RBFOX1: variants seen among roughly 807,000 people sequenced by gnomAD.
The protein encoded by RBFOX1 is RNA binding fox-1 homolog 1.
In RBFOX1, 8 loss-of-function variants were observed where a neutral mutation model predicts 57.7. The ratio of observed to expected loss-of-function variants is 0.14; its 90% CI spans 0.08 to 0.25. The LOEUF is 0.25. Among genes scored for constraint, RBFOX1 ranks in the 10% least tolerant of loss-of-function variants. RBFOX1 has a pLI of 1.00. For synonymous variants in RBFOX1, 326 were observed against 222.4 expected (o/e 1.47, Z -4.15); for missense variants, 611 against 548.5 (o/e 1.11, Z -1.14).
rs146201089 is a variant in RBFOX1 at position 5,756,295 on chromosome 16, G to A, written c.319-111008G>A. Among the ~76,000 whole-genome samples the A allele has an allele frequency of 4.3e-3, 643 of 151,274 alleles. 7 individuals are homozygous for A. Among genetic ancestry groups the A allele is most frequent in the African/African-American group, 0.015 (605 of 41,120 alleles). ...GTATGGACATATGAAATGCCGTGGG[G>A]TTGTAGTGTGGTGTGATAATTAATA... On this transcript the variant is annotated intron_variant, in intron 3 of 19. Transcript: ENST00000641259.
At chr16:7,045,621 C>G (rs150325805) in intron 3 of RBFOX1, among the ~76,000 whole-genome samples, 11 of 151,972 alleles carry the variant, frequency 7.2e-5, no homozygotes, top group African/African-American at 2.7e-4. Flanking sequence ...TATTTGAAGG[C>G]AGATGTTAAA....
At chr16:6,766,176 T>C (rs1009353092) in intron 3 of RBFOX1, among the ~76,000 whole-genome samples, 4 of 151,974 alleles carry the variant, frequency 2.6e-5, no homozygotes, top group East Asian at 1.9e-4. Flanking sequence ...ATTTTAGATA[T>C]GGAGAAAAAA....
rs186366123 is a variant in RBFOX1 at position 5,289,512 on chromosome 16, A to G, written c.219+49407A>G. 7.9e-4 allele frequency: 150 copies of G among 191,076 alleles called. No homozygotes were observed. The East Asian group carries it at 0.01, about 13-fold the overall frequency. 11.8% of individuals were successfully genotyped at this position (191,076 alleles called of 1,614,324 possible). On this transcript the variant is annotated intron_variant, in intron 1 of 2. Coordinates refer to the RBFOX1 transcript ENST00000585867. ...ATGTTAAAATATTTTATACATGTAGACCTGGTATTTTGGATAGATTTGTCT... is the reference window on the plus strand; with the variant it reads ...ATGTTAAAATATTTTATACATGTAGGCCTGGTATTTTGGATAGATTTGTCT...
chr16:6,642,193 G>T (rs969205435), intron 2 of RBFOX1, among the ~76,000 whole-genome samples: 2 of 152,162 alleles, frequency 1.3e-5, no homozygotes, highest in African/African-American at 4.8e-5. Flanking sequence ...TTTCTCTTCG[G>T]TGCTGTATTT....
intron 1 of RBFOX1, among the ~76,000 whole-genome samples, chr16:5,376,842 G>T (rs1188830864): frequency 6.7e-6 from 1 of 150,346 alleles, no homozygotes; most frequent in Non-Finnish European, 1.5e-5. Context: ...CAGTGATGTT[G>T]CCCCATGGCA....
At chr16:7,518,120 C>G (rs1478721594) in intron 4 of RBFOX1, 27 bp from the exon 5 acceptor site, 1 of 1,594,074 alleles carries the variant, frequency 6.3e-7, no homozygotes, top group East Asian at 2.2e-5. Context: ...ACGTTCTCTC[C>G]CTCTCTGCAC....
intron 3 of RBFOX1, among the ~76,000 whole-genome samples, chr16:5,612,154 C>G (rs1048308882): frequency 1.3e-5 from 2 of 151,614 alleles, no homozygotes; most frequent in African/African-American, 2.4e-5. Flanking sequence ...CATACGTCTA[C>G]TCTCCCACCT....
At chr16:7,646,654 A>T (rs747278084) in intron 11 of RBFOX1, among the ~76,000 whole-genome samples, 1 of 152,230 alleles carries the variant, frequency 6.6e-6, no homozygotes, top group Non-Finnish European at 1.5e-5. Flanking sequence ...ATTGCCCATT[A>T]AAGCGGTTGT....
intron 4 of RBFOX1, among the ~76,000 whole-genome samples, chr16:7,128,687 G>C (rs552641758): frequency 8.5e-5 from 13 of 152,130 alleles, no homozygotes; most frequent in Non-Finnish European, 1.8e-4. Flanking sequence ...GGATTCAGAG[G>C]GTGGGGAACT....
chr16:7,280,646 G>T (rs1287372429), intron 4 of RBFOX1, among the ~76,000 whole-genome samples: 1 of 152,204 alleles, frequency 6.6e-6, no homozygotes, highest in African/African-American at 2.4e-5. Flanking sequence ...GGCTGGGGCA[G>T]TCAACTGGCA....
chr16:6,960,147 T>C (rs1390358769), intron 3 of RBFOX1, among the ~76,000 whole-genome samples: 1 of 152,078 alleles, frequency 6.6e-6, no homozygotes, highest in Non-Finnish European at 1.5e-5. Flanking sequence ...AAATAAGTTT[T>C]TTGGGTTTCT....
chr16:6,532,304 A>G (rs939162624), intron 2 of RBFOX1, among the ~76,000 whole-genome samples: 1 of 152,114 alleles, frequency 6.6e-6, no homozygotes, highest in Non-Finnish European at 1.5e-5. Flanking sequence ...GGAAGCACCA[A>G]CCAGTGAGCA....
chr16:7,112,527 T>G (rs1371168928), intron 4 of RBFOX1, among the ~76,000 whole-genome samples: 1 of 152,078 alleles, frequency 6.6e-6, no homozygotes, highest in Non-Finnish European at 1.5e-5. Flanking sequence ...TCTTTTAACA[T>G]ATATTGTCCA....
intron 4 of RBFOX1, among the ~76,000 whole-genome samples, chr16:7,207,718 C>G (rs955139971): frequency 6.6e-6 from 1 of 152,360 alleles, no homozygotes; most frequent in Non-Finnish European, 1.5e-5. Context: ...ACCTAGGGTT[C>G]TCTGTAAGGC....
chr16:6,973,930 C>T (rs188037649), intron 3 of RBFOX1, among the ~76,000 whole-genome samples: 2 of 152,232 alleles, frequency 1.3e-5, no homozygotes, highest in South Asian at 2.1e-4. Context: ...ATGCTCGTCC[C>T]CTCCATCTCC....
intron 4 of RBFOX1, among the ~76,000 whole-genome samples, chr16:7,079,134 C>A (rs1258997369): frequency 6.6e-6 from 1 of 152,084 alleles, no homozygotes; most frequent in African/African-American, 2.4e-5. Context: ...AGGAGCCATA[C>A]ATTGTCTGTT....
intron 3 of RBFOX1, among the ~76,000 whole-genome samples, chr16:6,905,883 C>G (rs1278071021): frequency 1.3e-5 from 2 of 152,200 alleles, no homozygotes; most frequent in South Asian, 2.1e-4. Flanking sequence ...TCCCTGGAAG[C>G]AAAGTGAGTG....
intron 3 of RBFOX1, among the ~76,000 whole-genome samples, chr16:6,900,908 C>T (rs748445069): frequency 6.6e-6 from 1 of 152,202 alleles, no homozygotes; most frequent in Non-Finnish European, 1.5e-5. Flanking sequence ...AGATCCCCAG[C>T]ATTTTGCACA....
chr16:5,523,285 CA>C (rs201036250), intron 2 of RBFOX1, among the ~76,000 whole-genome samples: 2,480 of 151,116 alleles, frequency 0.016, 72 homozygotes, highest in African/African-American at 0.057. Context: ...GACTCTGTTT[CA>C]AAAAAAACAG....
Sources: gnomAD v4.1 joint callset for allele counts (sites outside exome capture counted in the v4.1 genomes callset) on GRCh38, gnomAD v4.1.1 for gene constraint, MANE v1.5 for transcripts, NCBI Gene and HGNC (gene_info 2026-07-23, HGNC 2026-07-21) for gene names.